Variants in NEGR1 observed in about 807,000 individuals in gnomAD.
NEGR1 encodes IgLON family member 4.
In NEGR1, 10 loss-of-function variants were observed where a neutral mutation model predicts 40.9. The observed-to-expected ratio is 0.24, with a 90% CI of 0.15 to 0.42. The LOEUF is 0.42. Ranked by LOEUF, NEGR1 falls within the 10% of genes least tolerant of loss-of-function variation. The pLI is 1.00. For synonymous variants in NEGR1, 185 were observed against 166.8 expected (o/e 1.11, Z -0.84); for missense variants, 352 against 438.9 (o/e 0.80, Z 1.77).
chr1:71,742,660 C>A (rs1026501479), intron 3 of NEGR1, among the ~76,000 whole-genome samples: 2 of 152,178 alleles, frequency 1.3e-5, no homozygotes, highest in Non-Finnish European at 2.9e-5. Context: ...TTTTCATGGG[C>A]TCATAGCTGG....
In NEGR1 at chr1:71,501,523, G is replaced by C. The variant is rs144544089; in HGVS notation, c.940+91294C>G. Among the ~76,000 whole-genome samples, 27 of 152,208 alleles carry C rather than the reference G, an allele frequency of 1.8e-4. No homozygotes were observed. In the East Asian group the frequency reaches 4.8e-3, roughly 27 times the overall value. Reference sequence around the variant, plus strand: ...TATAACCTAACTACTACCAAGAGCTGCATGACTCTAGAAAAGTCATTGAGA... The same window carrying C: ...TATAACCTAACTACTACCAAGAGCTCCATGACTCTAGAAAAGTCATTGAGA... On this transcript the variant is annotated intron_variant, in intron 6 of 6. Coordinates refer to ENST00000357731, the MANE Select transcript of NEGR1 (RefSeq NM_173808.3).
intron 3 of NEGR1, among the ~76,000 whole-genome samples, chr1:71,745,588 T>A (rs1464987429): frequency 6.6e-6 from 1 of 152,082 alleles, no homozygotes; most frequent in African/African-American, 2.4e-5. Context: ...TATGAGACAA[T>A]CTACCACCCC....
At chr1:72,250,653 A>C (rs1655056303) in intron 1 of NEGR1, among the ~76,000 whole-genome samples, 1 of 152,180 alleles carries the variant, frequency 6.6e-6, no homozygotes, top group Non-Finnish European at 1.5e-5. Context: ...CATACATTAA[A>C]GGGGCTTTAA....
At chr1:71,964,910 G>T (rs1646198011) in intron 1 of NEGR1, among the ~76,000 whole-genome samples, 1 of 151,928 alleles carries the variant, frequency 6.6e-6, no homozygotes, top group Non-Finnish European at 1.5e-5. Flanking sequence ...GAAACACTGG[G>T]TACAGGTGGC....
chr1:71,524,353 T>TGTGTGTGA (rs1553148001), intron 6 of NEGR1, among the ~76,000 whole-genome samples: 1 of 149,498 alleles, frequency 6.7e-6, no homozygotes, highest in East Asian at 1.9e-4. Context: ...TGTGTGTGTG[T>TGTGTGTGA]GTGATATCAA....
At chr1:71,723,059 T>A (rs562059330) in intron 3 of NEGR1, among the ~76,000 whole-genome samples, 79 of 152,252 alleles carry the variant, frequency 5.2e-4, no homozygotes, top group African/African-American at 1.9e-3. Context: ...ATTTTTATCT[T>A]TGTTCCTCTA....
chr1:72,067,059 T>G (rs889414840), intron 1 of NEGR1, among the ~76,000 whole-genome samples: 9 of 152,052 alleles, frequency 5.9e-5, no homozygotes, highest in Admixed American at 5.9e-4. Context: ...TCATGTTAGG[T>G]GTATTGCATG....
At chr1:71,635,568 T>TA (rs1302841256) in intron 4 of NEGR1, among the ~76,000 whole-genome samples, 1 of 152,042 alleles carries the variant, frequency 6.6e-6, no homozygotes. Context: ...ATGGAGATGT[T>TA]AAAAATTGTT....
intron 5 of NEGR1, among the ~76,000 whole-genome samples, chr1:71,597,448 C>T (rs1362542816): frequency 2.4e-5 from 1 of 41,992 alleles, no homozygotes; most frequent in Non-Finnish European, 5.8e-5. Context: ...CTCTCTCTCT[C>T]TCTCTCTCTC....
At chr1:71,942,977 A>ATATATATATATATATATATAGATATATAT (rs1557446726) in intron 1 of NEGR1, among the ~76,000 whole-genome samples, 1 of 119,510 alleles carries the variant, frequency 8.4e-6, no homozygotes, top group Non-Finnish European at 1.9e-5. Flanking sequence ...TATATATATA[A>ATATATATATATATATATATAGATATATAT]GTATATATGT....
intron 1 of NEGR1, among the ~76,000 whole-genome samples, chr1:71,979,418 A>G (rs1222274823): frequency 6.6e-6 from 1 of 152,196 alleles, no homozygotes; most frequent in East Asian, 1.9e-4. Flanking sequence ...ACAACTTATA[A>G]AATAGAAATA....
intron 2 of NEGR1, among the ~76,000 whole-genome samples, chr1:71,874,066 G>T (rs1011999568): frequency 6.6e-6 from 1 of 152,088 alleles, no homozygotes; most frequent in Non-Finnish European, 1.5e-5. Flanking sequence ...CCTCTGAGTT[G>T]CAGCTGTGTT....
intron 3 of NEGR1, among the ~76,000 whole-genome samples, chr1:71,728,118 T>C (rs992895807): frequency 6.6e-6 from 1 of 152,174 alleles, no homozygotes; most frequent in Non-Finnish European, 1.5e-5. Flanking sequence ...GAGTTTCTAA[T>C]GTGAGCAGGC....
intron 1 of NEGR1, among the ~76,000 whole-genome samples, chr1:71,967,322 A>C (rs377411539): frequency 6.6e-6 from 1 of 152,194 alleles, no homozygotes; most frequent in African/African-American, 2.4e-5. Flanking sequence ...GTAAGCAGTC[A>C]GGGAAAGAAA....
chr1:71,438,944 C>A (rs997106198), intron 6 of NEGR1, among the ~76,000 whole-genome samples: 1 of 152,114 alleles, frequency 6.6e-6, no homozygotes, highest in Non-Finnish European at 1.5e-5. Context: ...TGGACAGGTG[C>A]TTACTTAGGT....
chr1:71,477,389 G>A (rs1157336987), intron 6 of NEGR1: 1 of 152,064 alleles, frequency 6.6e-6, no homozygotes, highest in Non-Finnish European at 1.5e-5. Context: ...ACTGGTCAAA[G>A]GCTGACGTTT....
chr1:72,258,447 T>C (rs1453425206), intron 1 of NEGR1, among the ~76,000 whole-genome samples: 1 of 152,094 alleles, frequency 6.6e-6, no homozygotes, highest in African/African-American at 2.4e-5. Context: ...TGAGAATAAA[T>C]ATGTCCCCCA....
In NEGR1 at chr1:72,282,307, C is replaced by A. The variant is rs1242815651; in HGVS notation, c.176+12G>T. On this transcript the variant is annotated intron_variant, in intron 1 of 6. Coordinates refer to ENST00000357731, the MANE Select transcript of NEGR1 (RefSeq NM_173808.3). ...ACCGAAACAAGTACGAAAAGCACGC[C>A]GTTCTTCCTACCTAAGCACCGCCGT... is the stretch of plus-strand genomic sequence containing the variant. 6.2e-7 allele frequency: 1 copy of A among 1,613,092 alleles called. No homozygotes were observed. Among genetic ancestry groups the A allele is most frequent in the Non-Finnish European group, 8.5e-7 (1 of 1,179,380 alleles).
intron 6 of NEGR1, among the ~76,000 whole-genome samples, chr1:71,432,982 A>G (rs982264781): frequency 1.2e-4 from 19 of 152,220 alleles, no homozygotes; most frequent in African/African-American, 4.6e-4. Flanking sequence ...CTTGCCTCCC[A>G]TAAAACTTTG....
Sources: allele counts gnomAD v4.1 joint callset (sites outside exome capture counted in the v4.1 genomes callset), GRCh38; gene constraint gnomAD v4.1.1; transcripts MANE v1.5; gene names NCBI Gene and HGNC (gene_info 2026-07-23, HGNC 2026-07-21).